SLC17A1: variants seen among roughly 807,000 people sequenced by gnomAD.
The protein encoded by SLC17A1 is solute carrier family 17 member 1.
In SLC17A1, 51 loss-of-function variants were observed where a neutral mutation model predicts 53.5. The ratio of observed to expected loss-of-function variants is 0.95; its 90% CI spans 0.76 to 1.20. The LOEUF (loss-of-function observed/expected upper bound fraction) is 1.20. Ranked by LOEUF, SLC17A1 falls within the 50% of genes most tolerant of loss-of-function variation. The pLI, the probability that SLC17A1 is intolerant of heterozygous loss-of-function variation, is 0.00. For synonymous variants in SLC17A1, 179 were observed against 198.8 expected, an observed-to-expected ratio of 0.90 and a Z score of 0.84; for missense variants, 538 against 568.2, an observed-to-expected ratio of 0.95 and a Z score of 0.54.
the SLC17A1 span, among the ~76,000 whole-genome samples, chr6:25,753,066 GAC>G: frequency 6.6e-6 from 1 of 151,918 alleles, no homozygotes; most frequent in Admixed American, 6.6e-5. Flanking sequence ...TTAAAACTAA[GAC>G]ACAAATATGC....
chr6:25,769,225 C>G, the SLC17A1 span: 1 of 1,552,348 alleles, frequency 6.4e-7, no homozygotes, highest in Non-Finnish European at 8.9e-7. Context: ...CTTTCTTTGA[C>G]TCAAATAATT....
intron 11 of SLC17A1, among the ~76,000 whole-genome samples, chr6:25,799,695 A>G (rs1045563757): frequency 9.2e-5 from 14 of 152,316 alleles, no homozygotes; most frequent in African/African-American, 3.1e-4. Flanking sequence ...GGCAGAGACA[A>G]TTTTGGACAG....
the SLC17A1 span, chr6:25,771,141 T>C: frequency 1.4e-5 from 10 of 740,328 alleles, no homozygotes; most frequent in South Asian, 1.3e-4. Context: ...CAGAGCCAAC[T>C]ACATTTAACA....
chr6:25,773,744 C>T, the SLC17A1 span: 1 of 1,520,780 alleles, frequency 6.6e-7, no homozygotes, highest in Non-Finnish European at 8.9e-7. Flanking sequence ...ATATATAATC[C>T]TCTGTCTGTC....
chr6:25,725,018 ATTTTT>A, the SLC17A1 span, among the ~76,000 whole-genome samples: 1 of 142,066 alleles, frequency 7.0e-6, no homozygotes, highest in Non-Finnish European at 1.5e-5. Flanking sequence ...TAACCAAATG[ATTTTT>A]TTTTTTTTTG....
chr6:25,755,036 G>GACACACAC, the SLC17A1 span, among the ~76,000 whole-genome samples: 2 of 106,740 alleles, frequency 1.9e-5, no homozygotes, highest in African/African-American at 7.5e-5. Context: ...CAGACAGACA[G>GACACACAC]ACACACACAC....
At chr6:25,814,835 A>T (rs1561837425) in intron 6 of SLC17A1, among the ~76,000 whole-genome samples, 1 of 151,958 alleles carries the variant, frequency 6.6e-6, no homozygotes, top group Non-Finnish European at 1.5e-5. Context: ...AATACAAAAA[A>T]ATTAGCCGGG....
chr6:25,802,531 T>G (rs941303913), intron 10 of SLC17A1, among the ~76,000 whole-genome samples: 1 of 152,214 alleles, frequency 6.6e-6, no homozygotes, highest in Non-Finnish European at 1.5e-5. Context: ...GAATTCTCAT[T>G]TAGTAATCCT....
the SLC17A1 span, chr6:25,726,354 A>G: frequency 1.2e-6 from 2 of 1,614,092 alleles, no homozygotes; most frequent in Non-Finnish European, 1.7e-6. Flanking sequence ...CTGCTGTGAG[A>G]TACTCTAACA....
chr6:25,803,155 C>T (rs1581464426), intron 10 of SLC17A1, among the ~76,000 whole-genome samples: 3 of 151,754 alleles, frequency 2.0e-5, no homozygotes, highest in African/African-American at 7.3e-5. Context: ...ACTGTATTAG[C>T]CAGGATGGTC....
At chr6:25,795,912 T>C (rs953538343) in intron 12 of SLC17A1, among the ~76,000 whole-genome samples, 7 of 152,134 alleles carry the variant, frequency 4.6e-5, no homozygotes, top group Non-Finnish European at 8.8e-5. Flanking sequence ...CATCAGAATA[T>C]AGTATTCAAT....
chr6:25,734,564 A>G, the SLC17A1 span, among the ~76,000 whole-genome samples: 15 of 152,246 alleles, frequency 9.9e-5, no homozygotes, highest in African/African-American at 3.4e-4. Flanking sequence ...CTCAGTTATA[A>G]GTAAATATAC....
At chr6:25,805,048 C>T (rs1381702332) in intron 10 of SLC17A1, among the ~76,000 whole-genome samples, 1 of 152,020 alleles carries the variant, frequency 6.6e-6, no homozygotes, top group Non-Finnish European at 1.5e-5. Context: ...AACATATTTA[C>T]AGAACATTCT....
chr6:25,770,843 C>A, the SLC17A1 span: 1 of 1,050,774 alleles, frequency 9.5e-7, no homozygotes, highest in Non-Finnish European at 1.5e-6. Flanking sequence ...CCTTCACTCA[C>A]TGTGCAACTC....
the SLC17A1 span, chr6:25,768,921 C>T: frequency 1.4e-6 from 2 of 1,442,636 alleles, no homozygotes; most frequent in Non-Finnish European, 1.9e-6. Context: ...CTCCTTCTTC[C>T]AGACTTAGGG....
chr6:25,812,794 T>G (rs1764203613), intron 8 of SLC17A1, 37 bp downstream of exon 8: 1 of 1,500,484 alleles, frequency 6.7e-7, no homozygotes, highest in Non-Finnish European at 9.1e-7. Context: ...ACAGAGTCTT[T>G]CGTGAAGTTA....
downstream of SLC17A1, chr6:25,779,429 T>C: frequency 4.7e-6 from 2 of 422,100 alleles, no homozygotes; most frequent in Non-Finnish European, 8.2e-6. Context: ...TCCACTGTTA[T>C]CCTAGTAAAA....
chr6:25,741,746 A>C, the SLC17A1 span, among the ~76,000 whole-genome samples: 1 of 151,880 alleles, frequency 6.6e-6, no homozygotes, highest in African/African-American at 2.4e-5. Flanking sequence ...AAAAAGAAAA[A>C]AAAAATTAGC....
At chr6:25,758,452 A>G in the SLC17A1 span, among the ~76,000 whole-genome samples, 3 of 152,228 alleles carry the variant, frequency 2.0e-5, no homozygotes, top group Admixed American at 6.5e-5. Flanking sequence ...CAATGCCTGC[A>G]TGGCCGTTCC....
Sources: allele counts gnomAD v4.1 joint callset (sites outside exome capture counted in the v4.1 genomes callset), GRCh38; gene constraint gnomAD v4.1.1; transcripts MANE v1.5; gene names NCBI Gene and HGNC (gene_info 2026-07-23, HGNC 2026-07-21).